GTF2F2: variants seen among roughly 807,000 people sequenced by gnomAD.
GTF2F2 encodes general transcription factor IIF subunit 2.
Under a neutral mutation model 42.2 loss-of-function variants are expected in GTF2F2, and 23 were observed. The observed-to-expected ratio is 0.55, with a 90% CI of 0.39 to 0.77. GTF2F2 has a LOEUF of 0.77. Among genes scored for constraint, GTF2F2 ranks in the 30% least tolerant of loss-of-function variants. GTF2F2 has a pLI of 0.00. For missense variants in GTF2F2, 261 were observed against 287.2 expected (o/e 0.91, Z 0.66); for synonymous variants, 105 against 100.8 (o/e 1.04, Z -0.25).
chr13:45,230,704 T>C (rs2138217947), intron 5 of GTF2F2, among the ~76,000 whole-genome samples: 1 of 152,378 alleles, frequency 6.6e-6, no homozygotes, highest in South Asian at 2.1e-4. Context: ...ACTAGCTACA[T>C]GTCATGTAAT....
chr13:45,165,579 C>T (rs960884158), intron 4 of GTF2F2, among the ~76,000 whole-genome samples: 33 of 150,452 alleles, frequency 2.2e-4, no homozygotes, highest in Admixed American at 6.6e-4. Context: ...CCCCCCCCGC[C>T]GCCCGCTTTT....
At chr13:45,167,392 A>G in intron 4 of GTF2F2, among the ~76,000 whole-genome samples, 1 of 129,076 alleles carries the variant, frequency 7.7e-6, no homozygotes, top group Non-Finnish European at 1.6e-5. Context: ...AATTTCACCC[A>G]GCTATTTTTT....
chr13:45,279,924 C>G (rs566329308), intron 7 of GTF2F2, among the ~76,000 whole-genome samples: 13 of 151,482 alleles, frequency 8.6e-5, no homozygotes, highest in African/African-American at 2.7e-4. Context: ...CCCCGCCCCC[C>G]CCAAAAAAGG....
intron 5 of GTF2F2, among the ~76,000 whole-genome samples, chr13:45,224,507 T>C (rs1247287467): frequency 6.6e-6 from 1 of 152,198 alleles, no homozygotes; most frequent in African/African-American, 2.4e-5. Context: ...CTTTTCTGAT[T>C]CTAGTTAGGG....
intron 2 of GTF2F2, among the ~76,000 whole-genome samples, chr13:45,148,200 T>G (rs946778149): frequency 6.6e-6 from 1 of 152,244 alleles, no homozygotes; most frequent in African/African-American, 2.4e-5. Flanking sequence ...TTGGTCTTCC[T>G]ATCTCTAGTC....
At chr13:45,145,195 A>G (rs746862653) in intron 2 of GTF2F2, among the ~76,000 whole-genome samples, 1 of 152,228 alleles carries the variant, frequency 6.6e-6, no homozygotes, top group African/African-American at 2.4e-5. Flanking sequence ...ACTGCTAGGA[A>G]CTTATCCCAG....
chr13:45,248,292 T>C (rs1413856665), intron 5 of GTF2F2, among the ~76,000 whole-genome samples: 1 of 152,202 alleles, frequency 6.6e-6, no homozygotes, highest in Non-Finnish European at 1.5e-5. Context: ...TTTATAGATG[T>C]ACTGTATGTT....
At chr13:45,167,197 G>A (rs1277811925) in intron 4 of GTF2F2, among the ~76,000 whole-genome samples, 2 of 148,460 alleles carry the variant, frequency 1.3e-5, no homozygotes, top group African/African-American at 2.5e-5. Context: ...AGGGTAAAAA[G>A]CCCTACAGAC....
At chr13:45,156,240 C>G (rs1870749703) in intron 4 of GTF2F2, among the ~76,000 whole-genome samples, 1 of 152,178 alleles carries the variant, frequency 6.6e-6, no homozygotes, top group South Asian at 2.1e-4. Context: ...TGAATAAATG[C>G]TACAAATGCT....
chr13:45,165,572 C>CG (rs1316523105), intron 4 of GTF2F2, among the ~76,000 whole-genome samples: 3 of 150,496 alleles, frequency 2.0e-5, no homozygotes, highest in African/African-American at 7.4e-5. Flanking sequence ...CCCTCGCCCC[C>CG]CCCCGCCGCC....
At chr13:45,200,422 GGAA>G (rs74980126) in intron 4 of GTF2F2, among the ~76,000 whole-genome samples, 31,239 of 151,858 alleles carry the variant, frequency 0.21, 3,398 homozygotes, top group African/African-American at 0.23. Context: ...TCCTGCCTTA[GGAA>G]ACTCCCGTAT....
chr13:45,240,687 G>A (rs1875245853), intron 5 of GTF2F2, among the ~76,000 whole-genome samples: 4 of 151,806 alleles, frequency 2.6e-5, no homozygotes, highest in African/African-American at 4.8e-5. Flanking sequence ...AATTAGTCAG[G>A]CATGGTGGTG....
rs1869169390 is a variant in GTF2F2, at chr13:45,128,572, CAA to C, written c.66+7857_66+7858del. Among the ~76,000 whole-genome samples the C allele has an allele frequency of 3.3e-5, 5 of 150,822 alleles. No homozygotes were observed. In the South Asian group the frequency reaches 1.1e-3, roughly 32 times the overall value. On this transcript the variant is annotated intron_variant, in intron 1 of 7. Transcript: ENST00000340473. ...TGGGTGACACAGTGAGACTCCGTCT[CAA>C]AAAAATAAAATTTATTTTATTTTAT...
chr13:45,170,361 A>G (rs1366207831), intron 4 of GTF2F2, among the ~76,000 whole-genome samples: 5 of 152,244 alleles, frequency 3.3e-5, no homozygotes, highest in Non-Finnish European at 7.3e-5. Context: ...TTATCATTAC[A>G]TGGGCTCCAA....
In GTF2F2 at chr13:45,191,224, A is replaced by ATAT. The variant is rs1555267736; in HGVS notation, c.305-16200_305-16199insTAT. Reference sequence around the variant, plus strand: ...GTCTCTACTAAAAATACAAAAAAAAAATATATATATATATATATATATATA... The same window carrying ATAT: ...GTCTCTACTAAAAATACAAAAAAAAATATATATATATATATATATATATATATA... On this transcript the variant is annotated intron_variant, in intron 4 of 7. Coordinates refer to ENST00000340473, the MANE Select transcript of GTF2F2 (RefSeq NM_004128.3). Among the ~76,000 whole-genome samples the ATAT allele has an allele frequency of 4.8e-3, 364 of 75,302 alleles. 6 individuals carry two copies. Among genetic ancestry groups the ATAT allele is most frequent in the East Asian group, 0.026 (85 of 3,314 alleles). The allele number at this position is 75,302 out of a possible 152,430, so 49.4% of individuals were successfully genotyped here.
chr13:45,141,743 C>A (rs1472201937), intron 2 of GTF2F2, among the ~76,000 whole-genome samples: 2 of 151,830 alleles, frequency 1.3e-5, no homozygotes, highest in Non-Finnish European at 2.9e-5. Flanking sequence ...CTCTGTTTTC[C>A]CCATTCACAT....
intron 2 of GTF2F2, among the ~76,000 whole-genome samples, chr13:45,148,548 C>T (rs1471637983): frequency 1.3e-5 from 2 of 152,124 alleles, no homozygotes; most frequent in Non-Finnish European, 2.9e-5. Flanking sequence ...GCTCAGAGTT[C>T]CGTCTTTGTT....
At chr13:45,282,046 A>G (rs1877289135) in intron 7 of GTF2F2, among the ~76,000 whole-genome samples, 1 of 152,074 alleles carries the variant, frequency 6.6e-6, no homozygotes, top group African/African-American at 2.4e-5. Flanking sequence ...TAAAAATACA[A>G]AAAATTTAGC....
At chr13:45,120,873 A>G in intron 1 of GTF2F2, 152 bp downstream of exon 1, 2 of 631,872 alleles carry the variant, frequency 3.2e-6, no homozygotes, top group Non-Finnish European at 5.7e-6. Context: ...TCATTGTTGT[A>G]TCTGTTTGCA....
Sources: allele counts gnomAD v4.1 joint callset (sites outside exome capture counted in the v4.1 genomes callset), GRCh38; gene constraint gnomAD v4.1.1; transcripts MANE v1.5; gene names NCBI Gene and HGNC (gene_info 2026-07-23, HGNC 2026-07-21).